PDE5A: variants seen among roughly 807,000 people sequenced by gnomAD.
The protein encoded by PDE5A is cGMP-specific 3',5'-cyclic phosphodiesterase.
PDE5A carries 67 observed loss-of-function variants against 110.2 expected under a neutral mutation model. The observed-to-expected ratio is 0.61, with a 90% CI of 0.50 to 0.75. PDE5A has a LOEUF of 0.75. Among genes scored for constraint, PDE5A ranks in the 30% least tolerant of loss-of-function variants. The pLI, the probability that PDE5A is intolerant of heterozygous loss-of-function variation, is 0.00. For synonymous variants in PDE5A, 328 were observed against 351.2 expected (o/e 0.93, Z 0.74); for missense variants, 862 against 1,045.1 (o/e 0.82, Z 2.42).
chr4:119,502,822 T>C (rs889713205), intron 18 of PDE5A, among the ~76,000 whole-genome samples, 167 bp from the exon 19 acceptor site: 1 of 152,210 alleles, frequency 6.6e-6, no homozygotes, highest in Non-Finnish European at 1.5e-5. Flanking sequence ...CGTGCTCTCT[T>C]AACTATTACA....
chr4:119,515,230 GACTTTACCCAGTTTGAACTTC>G (rs1011068421), intron 14 of PDE5A, among the ~76,000 whole-genome samples: 27 of 152,138 alleles, frequency 1.8e-4, no homozygotes, highest in Admixed American at 1.5e-3. Context: ...GGGTAAAATG[GACTTTACCCAGTTTGAACTTC>G]ACACATGATT....
At chr4:119,506,341 TGTGAA>T (rs1379583980) in intron 16 of PDE5A, among the ~76,000 whole-genome samples, 2 of 151,806 alleles carry the variant, frequency 1.3e-5, no homozygotes, top group African/African-American at 4.8e-5. Context: ...TATCTAAAGT[TGTGAA>T]GTGCTTCTGA....
rs1725074262 is a variant in PDE5A, at chr4:119,496,488, A to ATATC, written c.*2109_*2112dup. 1 of 152,194 alleles carries ATATC rather than the reference A, an allele frequency of 6.6e-6. No individual in the cohort carries two copies. The highest frequency in any genetic ancestry group is 1.9e-4 in the East Asian group (1 of 5,190). 9.4% of individuals were successfully genotyped at this position (152,194 alleles called of 1,614,324 possible). ...AGACCAAACCATTTCTAATCTAAAT[A>ATATC]TATCTTCTTGCTTATTAAAATGACA... On this transcript the variant is annotated 3_prime_UTR_variant, in exon 21 of 21. Coordinates refer to ENST00000354960, the MANE Select transcript of PDE5A (RefSeq NM_001083.4).
At chr4:119,522,152 T>C (rs1726150961) in intron 12 of PDE5A, among the ~76,000 whole-genome samples, 1 of 152,098 alleles carries the variant, frequency 6.6e-6, no homozygotes, top group Non-Finnish European at 1.5e-5. Context: ...ATCCTCCCTT[T>C]TCAGGTCATT....
chr4:119,558,099 C>T (rs1228149211), intron 7 of PDE5A, among the ~76,000 whole-genome samples: 4 of 151,846 alleles, frequency 2.6e-5, no homozygotes, highest in Admixed American at 1.3e-4. Flanking sequence ...TCATTTTTTT[C>T]CTTCTAATTG....
At chr4:119,517,041 G>A (rs1024474602) in intron 14 of PDE5A, 4 of 152,294 alleles carry the variant, frequency 2.6e-5, no homozygotes, top group Admixed American at 2.0e-4. Flanking sequence ...AATCAAAGAA[G>A]GCATCAAATA....
At chr4:119,505,158 G>A (rs371410586) in intron 17 of PDE5A, among the ~76,000 whole-genome samples, 1 of 151,842 alleles carries the variant, frequency 6.6e-6, no homozygotes, top group South Asian at 2.1e-4. Context: ...CTCACTCCTA[G>A]GTTATAGAAG....
chr4:119,617,059 T>C, intron 1 of PDE5A, among the ~76,000 whole-genome samples: 1 of 152,290 alleles, frequency 6.6e-6, no homozygotes, highest in South Asian at 2.1e-4. Flanking sequence ...CTAAAAAGTT[T>C]ATAAATTGAT....
In PDE5A at chr4:119,525,582, G is replaced by A; in HGVS notation, c.1746C>T (p.Leu582=). The change falls in exon 12 of 21, where the codon CTC becomes CTT. Residue 582 remains leucine, a synonymous_variant. Transcript: ENST00000354960. This position sits in a 1 kb window ranked among gnomAD's most constrained non-coding sequence, Gnocchi z 4.3. ...TCATCTGGAAGTTCTGCACAAGGTT[G>A]AGGTCAGTAAACATCCGAATTGTAC... ...ALCTIRMFTD[L]NLVQNFQMKH... is the part of the protein sequence containing the mutation. 6.2e-7 allele frequency: 1 copy of A among 1,613,160 alleles called. No individual in the cohort carries two copies. Among genetic ancestry groups the A allele is most frequent in the Non-Finnish European group, 8.5e-7 (1 of 1,179,434 alleles).
intron 12 of PDE5A, among the ~76,000 whole-genome samples, chr4:119,524,637 C>A (rs1162022482): frequency 1.3e-5 from 2 of 152,172 alleles, no homozygotes; most frequent in African/African-American, 4.8e-5. Context: ...TGAAATGTGC[C>A]CCTGGCAGAG....
chr4:119,525,552 A>C lies in PDE5A; in HGVS notation c.1776T>G (p.His592Gln), dbSNP rs199971841. 3 of 1,612,606 alleles carry C rather than the reference A, an allele frequency of 1.9e-6. No individual in the cohort carries two copies. The highest frequency in any genetic ancestry group is 1.7e-4 in the Middle Eastern group (1 of 6,038). The change falls in exon 12 of 21, where the codon CAT (histidine) becomes CAG (glutamine). Residue 592 changes from histidine to glutamine, a missense_variant. By Grantham distance (24) the His-to-Gln change is conservative. Transcript: ENST00000354960. The surrounding 1 kb of genome is among the most constrained non-coding windows in gnomAD (Gnocchi z 4.3). ...LNLVQNFQMKHEVLCRWILSV... is the reference protein window; with the variant it reads ...LNLVQNFQMKQEVLCRWILSV... ...AAGGATGTTGCTGCATTCCTACCTC[A>C]TGTTTCATCTGGAAGTTCTGCACAA...
rs200456379 is a variant in PDE5A at position 119,496,947 on chromosome 4, T to C, written c.*1654A>G. The C allele has an allele frequency of 1.2e-4, 18 of 152,240 alleles. No homozygotes were observed. The highest frequency in any genetic ancestry group is 2.5e-4 in the Non-Finnish European group (17 of 68,016). 9.4% of individuals were successfully genotyped at this position (152,240 alleles called of 1,614,324 possible). A position where few individuals can be genotyped will look rare whatever the true frequency, so the allele number is the denominator to read the frequency against. On this transcript the variant is annotated 3_prime_UTR_variant, in exon 21 of 21. Coordinates refer to ENST00000354960, the MANE Select transcript of PDE5A (RefSeq NM_001083.4). Reference sequence around the variant, plus strand: ...AATACAATGTGTTTTGCTTCTATTTTTTGTTTTTTTACCAGAATGATAAAA... The same window carrying C: ...AATACAATGTGTTTTGCTTCTATTTCTTGTTTTTTTACCAGAATGATAAAA...
intron 3 of PDE5A, among the ~76,000 whole-genome samples, 171 bp from the exon 4 acceptor site, chr4:119,567,315 C>T (rs1265066828): frequency 6.6e-6 from 1 of 152,128 alleles, no homozygotes; most frequent in Non-Finnish European, 1.5e-5. Context: ...CATCATTTAC[C>T]ACATTCTTTC....
intron 9 of PDE5A, among the ~76,000 whole-genome samples, chr4:119,545,552 C>T (rs1727103169): frequency 6.6e-6 from 1 of 152,160 alleles, no homozygotes; most frequent in Non-Finnish European, 1.5e-5. Flanking sequence ...AGCAAACTAT[C>T]AGTGTTACCT....
chr4:119,560,960 A>G (rs541146471), intron 6 of PDE5A, among the ~76,000 whole-genome samples: 70 of 152,312 alleles, frequency 4.6e-4, no homozygotes, highest in African/African-American at 1.6e-3. Flanking sequence ...ACTCTACTAA[A>G]AATACAAAAA....
chr4:119,555,983 AG>A (rs1190787067), intron 7 of PDE5A, among the ~76,000 whole-genome samples: 1 of 152,206 alleles, frequency 6.6e-6, no homozygotes, highest in Admixed American at 6.5e-5. Flanking sequence ...TCTCCATCAG[AG>A]GCACCCTTAG....
intron 16 of PDE5A, among the ~76,000 whole-genome samples, chr4:119,506,932 A>G (rs1413475451): frequency 6.6e-6 from 1 of 151,900 alleles, no homozygotes; most frequent in African/African-American, 2.4e-5. Flanking sequence ...CTCATGTTAC[A>G]AGGAAATCCT....
intron 8 of PDE5A, among the ~76,000 whole-genome samples, 184 bp from the exon 9 acceptor site, chr4:119,552,821 A>G (rs1727403162): frequency 6.6e-6 from 1 of 152,096 alleles, no homozygotes; most frequent in Admixed American, 6.5e-5. Flanking sequence ...ATATAAAGCA[A>G]TGTCTACTTT....
intron 12 of PDE5A, among the ~76,000 whole-genome samples, chr4:119,522,436 T>G (rs1415421761): frequency 2.0e-5 from 3 of 151,974 alleles, no homozygotes; most frequent in South Asian, 4.1e-4. Flanking sequence ...CTTTGATATG[T>G]TTAGAAAATA....
Sources: allele counts gnomAD v4.1 joint callset (sites outside exome capture counted in the v4.1 genomes callset), GRCh38; gene constraint gnomAD v4.1.1; non-coding constraint Gnocchi (gnomAD v3.1); transcripts MANE v1.5; gene names NCBI Gene and HGNC (gene_info 2026-07-23, HGNC 2026-07-21).